The following PITPNC1 variants were observed in gnomAD, a reference collection of about 807,000 sequenced individuals.
The protein encoded by PITPNC1 is cytoplasmic phosphatidylinositol transfer protein 1.
PITPNC1 carries 18 observed loss-of-function variants against 44.7 expected under a neutral mutation model. The observed-to-expected ratio is 0.40, with a 90% CI of 0.28 to 0.60. The LOEUF is 0.60. PITPNC1 is among the 20% of genes least tolerant of loss of function. The pLI is 0.39. For synonymous variants in PITPNC1, 141 were observed against 149.6 expected, an observed-to-expected ratio of 0.94 and a Z score of 0.42; for missense variants, 290 against 418.4, an observed-to-expected ratio of 0.69 and a Z score of 2.68.
chr17:67,495,465 A>G (rs2144056151), intron 1 of PITPNC1, among the ~76,000 whole-genome samples: 1 of 152,152 alleles, frequency 6.6e-6, no homozygotes, highest in Non-Finnish European at 1.5e-5. Flanking sequence ...TGTTGTACAG[A>G]TTATTTCATC....
At chr17:67,581,692 G>A (rs1367051193) in intron 5 of PITPNC1, among the ~76,000 whole-genome samples, 5 of 152,090 alleles carry the variant, frequency 3.3e-5, no homozygotes, top group Middle Eastern at 3.2e-3. Context: ...CATATTCAGC[G>A]GCTGTTGGTT....
chr17:67,523,675 C>T (rs1316633217), intron 1 of PITPNC1, among the ~76,000 whole-genome samples: 1 of 152,028 alleles, frequency 6.6e-6, no homozygotes, highest in East Asian at 1.9e-4. Context: ...CTTTCCATCA[C>T]AGCCCACTGT....
intron 1 of PITPNC1, among the ~76,000 whole-genome samples, chr17:67,431,081 T>A (rs1266294272): frequency 7.7e-6 from 1 of 129,546 alleles, no homozygotes; most frequent in African/African-American, 2.8e-5. Flanking sequence ...TTTTTTGCGA[T>A]GGAATATTGC....
intron 2 of PITPNC1, 122 bp from the exon 3 acceptor site, chr17:67,552,135 T>A (rs1336069704): frequency 3.0e-6 from 2 of 669,726 alleles, no homozygotes; most frequent in African/African-American, 3.6e-5. Flanking sequence ...AAAGGGCAGC[T>A]GTGGAGAAAA....
chr17:67,688,592 T>G (rs2042864258), intron 8 of PITPNC1, among the ~76,000 whole-genome samples: 1 of 152,136 alleles, frequency 6.6e-6, no homozygotes, highest in Non-Finnish European at 1.5e-5. Flanking sequence ...AGGAAACTGT[T>G]GGAGCAAGAG....
chr17:67,682,385 G>A (rs2042726328), intron 8 of PITPNC1, among the ~76,000 whole-genome samples: 1 of 152,142 alleles, frequency 6.6e-6, no homozygotes, highest in South Asian at 2.1e-4. Flanking sequence ...GGAGCTGATG[G>A]TTGAGGAGGA....
Position 67,696,948 on chromosome 17 carries a change from G to A in PITPNC1, c.*4060G>A, listed in dbSNP as rs1181175956. 1 of 152,230 alleles carries A rather than the reference G, an allele frequency of 6.6e-6. No homozygotes were observed. The highest frequency in any genetic ancestry group is 3.2e-3 in the Middle Eastern group (1 of 316). The allele number at this position is 152,230 out of a possible 1,614,324, so 9.4% of individuals were successfully genotyped here. Reference sequence around the variant, plus strand: ...CAGTTTCTATATATCACCCAGGAGAGGGTCTCTGAGTTGGTGTTGTACCTG... The same window carrying A: ...CAGTTTCTATATATCACCCAGGAGAAGGTCTCTGAGTTGGTGTTGTACCTG... On this transcript the variant is annotated 3_prime_UTR_variant, in exon 9 of 9. Transcript: ENST00000581322.
At chr17:67,380,078 CT>C (rs527469040) in intron 1 of PITPNC1, among the ~76,000 whole-genome samples, 403 of 139,526 alleles carry the variant, frequency 2.9e-3, no homozygotes, top group African/African-American at 5.9e-3. Flanking sequence ...CTTTTCTTTT[CT>C]TTTTTTTTTT....
intron 1 of PITPNC1, among the ~76,000 whole-genome samples, chr17:67,425,308 C>G (rs1238000562): frequency 6.6e-6 from 1 of 150,728 alleles, no homozygotes; most frequent in Non-Finnish European, 1.5e-5. Flanking sequence ...AAAGAAGAAT[C>G]ACCATGGTAT....
intron 1 of PITPNC1, among the ~76,000 whole-genome samples, chr17:67,465,965 T>TCC (rs35091447): frequency 1.3e-5 from 2 of 151,014 alleles, no homozygotes; most frequent in South Asian, 2.1e-4. Flanking sequence ...AGAGCTGGTT[T>TCC]CCCCCCCGTC....
chr17:67,496,271 A>G (rs986412495), intron 1 of PITPNC1, among the ~76,000 whole-genome samples: 5 of 152,124 alleles, frequency 3.3e-5, no homozygotes, highest in African/African-American at 1.2e-4. Context: ...ATCGTTCTTC[A>G]TTTCCTCCTA....
intron 4 of PITPNC1, among the ~76,000 whole-genome samples, chr17:67,556,511 C>G (rs1014174265): frequency 2.0e-5 from 3 of 152,072 alleles, no homozygotes; most frequent in Non-Finnish European, 4.4e-5. Flanking sequence ...GAACTGGTCT[C>G]AGAGACTCAA....
At chr17:67,417,251 C>T (rs1396210681) in intron 1 of PITPNC1, among the ~76,000 whole-genome samples, 2 of 152,144 alleles carry the variant, frequency 1.3e-5, no homozygotes, top group African/African-American at 2.4e-5. Flanking sequence ...CCTGCCTCAG[C>T]CTAGTAGCTA....
At chr17:67,575,041 A>G (rs1054546894) in intron 4 of PITPNC1, among the ~76,000 whole-genome samples, 1 of 151,950 alleles carries the variant, frequency 6.6e-6, no homozygotes, top group African/African-American at 2.4e-5. Context: ...TGGGCTAGCT[A>G]AGTGGTTTAG....
chr17:67,519,171 G>GTTTTTTTTTTTTTTTTTTTTTTTTTT, intron 1 of PITPNC1, among the ~76,000 whole-genome samples: 1 of 78,752 alleles, frequency 1.3e-5, no homozygotes, highest in Non-Finnish European at 2.3e-5. Context: ...GCAGCATTCT[G>GTTTTTTTTTTTTTTTTTTTTTTTTTT]TTTTTTTTTT....
chr17:67,446,854 C>T (rs920059493), intron 1 of PITPNC1, among the ~76,000 whole-genome samples: 2 of 151,668 alleles, frequency 1.3e-5, no homozygotes, highest in Admixed American at 6.6e-5. Context: ...CTTTGGGAGG[C>T]CGAGGTGGGT....
intron 5 of PITPNC1, among the ~76,000 whole-genome samples, chr17:67,610,633 C>A (rs1472214344): frequency 6.6e-6 from 1 of 152,010 alleles, no homozygotes; most frequent in Non-Finnish European, 1.5e-5. Flanking sequence ...ACTAAAAATA[C>A]AAACATTAGC....
intron 5 of PITPNC1, among the ~76,000 whole-genome samples, chr17:67,589,805 T>G (rs1439554558): frequency 6.6e-6 from 1 of 151,920 alleles, no homozygotes; most frequent in East Asian, 1.9e-4. Context: ...CCATCTCTAC[T>G]AAAAATATAA....
chr17:67,565,320 A>G (rs1721963291), intron 4 of PITPNC1, among the ~76,000 whole-genome samples: 1 of 140,240 alleles, frequency 7.1e-6, no homozygotes, highest in Non-Finnish European at 1.5e-5. Flanking sequence ...TTCAGTGTGT[A>G]TACTAGTTTT....
Sources: gnomAD v4.1 joint callset for allele counts (sites outside exome capture counted in the v4.1 genomes callset) on GRCh38, gnomAD v4.1.1 for gene constraint, MANE v1.5 for transcripts, NCBI Gene and HGNC (gene_info 2026-07-23, HGNC 2026-07-21) for gene names.